Variants in KCNK4 observed in about 807,000 individuals in gnomAD.
KCNK4 encodes the protein potassium two pore domain channel subfamily K member 4, also known as potassium channel subfamily K member 4.
A neutral mutation model predicts 28.8 loss-of-function variants in KCNK4; 22 were observed. The observed-to-expected ratio is 0.76, with a 90% CI of 0.55 to 1.09. The LOEUF (loss-of-function observed/expected upper bound fraction) is 1.09. KCNK4 is among the 50% of genes least tolerant of loss of function. KCNK4 has a pLI of 0.00. For synonymous variants in KCNK4, 263 were observed against 252.9 expected, an observed-to-expected ratio of 1.04 and a Z score of -0.38; for missense variants, 483 against 546.3, an observed-to-expected ratio of 0.88 and a Z score of 1.15.
intron 6 of KCNK4, 49 bp from the exon 7 acceptor site, chr11:64,299,297 G>T: frequency 7.0e-7 from 1 of 1,424,714 alleles, no homozygotes; most frequent in Non-Finnish European, 9.2e-7. Context: ...GGGGGGTCGC[G>T]GAGGGGGTCT....
intron 2 of KCNK4, 150 bp from the exon 3 acceptor site, chr11:64,296,728 T>G (rs1178780686): frequency 1.5e-6 from 1 of 650,252 alleles, no homozygotes; most frequent in Non-Finnish European, 2.3e-6. Flanking sequence ...TTGTATCTTC[T>G]GCTGTAAGGG....
In KCNK4 at chr11:64,292,891, G is replaced by A. The variant is rs2034671423; in HGVS notation, c.-77-51G>A. The A allele has an allele frequency of 2.1e-6, 3 of 1,428,204 alleles. No individual in the cohort carries two copies. In the East Asian group the frequency reaches 7.8e-5, roughly 37 times the overall value. 88.5% of individuals were successfully genotyped at this position (1,428,204 alleles called of 1,614,324 possible). On this transcript the variant is annotated intron_variant, in intron 1 of 6. Coordinates refer to ENST00000422670, the MANE Select transcript of KCNK4 (RefSeq NM_033310.3). ...TGTGTAGGGGATAGAGGAGGAGGGTGTGGGTGTCAGGCCAGCTCAGTGACC... is the reference window on the plus strand; with the variant it reads ...TGTGTAGGGGATAGAGGAGGAGGGTATGGGTGTCAGGCCAGCTCAGTGACC...
At chr11:64,295,932 C>G (rs1414959671) in intron 2 of KCNK4, 1 of 152,076 alleles carries the variant, frequency 6.6e-6, no homozygotes, top group South Asian at 2.1e-4. Flanking sequence ...TTCCTCTCAC[C>G]TAGGGCAAGC....
intron 1 of KCNK4, chr11:64,291,877 G>C (rs2034637232): frequency 3.5e-6 from 1 of 282,170 alleles, no homozygotes; most frequent in South Asian, 5.1e-5. Flanking sequence ...CACCTCTCGC[G>C]CGTGGGCGCC....
chr11:64,297,679 C>G, intron 5 of KCNK4, 26 bp downstream of exon 5: 1 of 1,597,578 alleles, frequency 6.3e-7, no homozygotes, highest in East Asian at 2.2e-5. Flanking sequence ...TTGTGCTGCA[C>G]TTTCCCATCT....
chr11:64,297,328 C>A, intron 4 of KCNK4, 49 bp downstream of exon 4: 1 of 1,585,068 alleles, frequency 6.3e-7, no homozygotes, highest in Non-Finnish European at 8.6e-7. Context: ...TCCGGCTACC[C>A]TTCCCCATGT....
In KCNK4 at chr11:64,299,768, G is replaced by T; in HGVS notation, c.*42G>T. On this transcript the variant is annotated 3_prime_UTR_variant, in exon 7 of 7. Coordinates refer to ENST00000422670, the MANE Select transcript of KCNK4 (RefSeq NM_033310.3). ...CGGGCCTCTCAAGGGCTTCGTTTCT[G>T]CTCTCCCCGGCATGCCTGGCTTGTT... 1.3e-6 allele frequency: 2 copies of T among 1,538,718 alleles called. No homozygotes were observed. The highest frequency in any genetic ancestry group is 1.7e-6 in the Non-Finnish European group (2 of 1,148,138).
chr11:64,299,050 G>GAAAAAAAAAAAAAAAAAAAAAAAAAAAAA (rs56097945), intron 6 of KCNK4, among the ~76,000 whole-genome samples: 1 of 85,076 alleles, frequency 1.2e-5, no homozygotes, highest in African/African-American at 4.6e-5. Flanking sequence ...AAAAAAAGAA[G>GAAAAAAAAAAAAAAAAAAAAAAAAAAAAA]AAAAAAAAAA....
intron 2 of KCNK4, among the ~76,000 whole-genome samples, chr11:64,293,513 A>G (rs760262707): frequency 1.4e-4 from 21 of 152,150 alleles, no homozygotes; most frequent in Admixed American, 8.5e-4. Flanking sequence ...CGCATGGGCT[A>G]TGTTACATTT....
rs1251667577 is a variant in KCNK4, at chr11:64,299,877, C to T, written c.*151C>T. 3 of 1,434,600 alleles carry T rather than the reference C, an allele frequency of 2.1e-6. No homozygotes were observed. Among genetic ancestry groups the T allele is most frequent in the Non-Finnish European group, 9.4e-7 (1 of 1,059,742 alleles). 88.9% of individuals were successfully genotyped at this position (1,434,600 alleles called of 1,614,324 possible). A position where few individuals can be genotyped will look rare whatever the true frequency, so the allele number is the denominator to read the frequency against. ...CTCCGCCTCCTCCCTGGCCCCGGCC[C>T]TTCCCTCACTTCCATCCATCTCTAG... On this transcript the variant is annotated 3_prime_UTR_variant, in exon 7 of 7. Transcript: ENST00000422670.
Position 64,299,491 on chromosome 11 carries a change from G to A in KCNK4, c.947G>A (p.Arg316Lys). The change falls in exon 7 of 7, where the codon AGG becomes AAG. Residue 316 changes from arginine to lysine, a missense_variant. Transcript: ENST00000422670. ...CCCTGTCCAGCGCAGCCGCTGGGCAGGCCCCGATCCCCTTCGCCCCCCGAG... is the reference window on the plus strand; with the variant it reads ...CCCTGTCCAGCGCAGCCGCTGGGCAAGCCCCGATCCCCTTCGCCCCCCGAG... ...PPPCPAQPLG[R>K]PRSPSPPEKA... 6.2e-7 allele frequency: 1 copy of A among 1,607,868 alleles called. No homozygotes were observed. The highest frequency in any genetic ancestry group is 8.5e-7 in the Non-Finnish European group (1 of 1,178,230).
chr11:64,297,370 T>G (rs1400823838), intron 4 of KCNK4, 91 bp downstream of exon 4: 4 of 1,574,478 alleles, frequency 2.5e-6, no homozygotes, highest in Non-Finnish European at 3.5e-6. Context: ...CCAAAGACCA[T>G]AAGCCTCTCC....
In KCNK4 at chr11:64,299,915, C is replaced by A; in HGVS notation, c.*189C>A. On this transcript the variant is annotated 3_prime_UTR_variant, in exon 7 of 7. Transcript: ENST00000422670. ...CATCCATCTCTAGACCCCCCCAAGG[C>A]TTTCTGTGTCGCTGCCCCGGGCGGG... is the stretch of plus-strand genomic sequence containing the variant. The A allele has an allele frequency of 9.0e-7, 1 of 1,107,158 alleles. No homozygotes were observed. The highest frequency in any genetic ancestry group is 1.3e-6 in the Non-Finnish European group (1 of 780,560). The allele number at this position is 1,107,158 out of a possible 1,614,324, so 68.6% of individuals were successfully genotyped here. A position where few individuals can be genotyped will look rare whatever the true frequency, so the allele number is the denominator to read the frequency against.
intron 6 of KCNK4, among the ~76,000 whole-genome samples, chr11:64,299,013 C>G (rs2034848798): frequency 7.5e-6 from 1 of 133,516 alleles, no homozygotes; most frequent in South Asian, 2.4e-4. Flanking sequence ...TGCACCCCAG[C>G]CGGGATGACA....
intron 2 of KCNK4, among the ~76,000 whole-genome samples, chr11:64,294,361 T>C (rs1190749572): frequency 6.6e-6 from 1 of 151,604 alleles, no homozygotes; most frequent in Non-Finnish European, 1.5e-5. Flanking sequence ...CTACTAAAAA[T>C]ACAAAAATTA....
At chr11:64,297,700 T>C (rs1291597506) in intron 5 of KCNK4, 47 bp downstream of exon 5, 2 of 1,570,064 alleles carry the variant, frequency 1.3e-6, no homozygotes, top group South Asian at 1.2e-5. Flanking sequence ...ACTTTATTCC[T>C]GATCAGGGGC....
chr11:64,299,301 G>C (rs959028377), intron 6 of KCNK4, 45 bp from the exon 7 acceptor site: 3 of 1,431,806 alleles, frequency 2.1e-6, no homozygotes, highest in Non-Finnish European at 2.8e-6. Flanking sequence ...GGTCGCGGAG[G>C]GGGTCTAGAC....
At chr11:64,298,299 G>A (rs1272480585) in intron 6 of KCNK4, 50 bp downstream of exon 6, 1 of 1,602,666 alleles carries the variant, frequency 6.2e-7, no homozygotes, top group Admixed American at 1.7e-5. Context: ...GTGCAAATGT[G>A]CTGTTCCCTA....
chr11:64,298,101 G>C lies in KCNK4; in HGVS notation c.662-9G>C. On this transcript the variant is annotated splice_polypyrimidine_tract_variant and intron_variant, in intron 5 of 6. Coordinates refer to ENST00000422670, the MANE Select transcript of KCNK4 (RefSeq NM_033310.3). Reference sequence around the variant, plus strand: ...CCAATTCTTTCTACCTTCCCTGGTGGTATCCCAGGCGCGGACCCCAGGCAG... The same window carrying C: ...CCAATTCTTTCTACCTTCCCTGGTGCTATCCCAGGCGCGGACCCCAGGCAG... 1 of 1,612,654 alleles carries C rather than the reference G, an allele frequency of 6.2e-7. No individual in the cohort carries two copies. The highest frequency in any genetic ancestry group is 1.1e-5 in the South Asian group (1 of 90,814).
Sources: gnomAD v4.1 joint callset for allele counts (sites outside exome capture counted in the v4.1 genomes callset) on GRCh38, gnomAD v4.1.1 for gene constraint, MANE v1.5 for transcripts, NCBI Gene and HGNC (gene_info 2026-07-23, HGNC 2026-07-21) for gene names.